The following INTS7 variants were observed in gnomAD, a reference collection of about 807,000 sequenced individuals.
INTS7 encodes integrator complex subunit 7.
INTS7 carries 46 observed loss-of-function variants against 109.2 expected under a neutral mutation model. That is an observed-to-expected ratio of 0.42 (90% CI 0.33 to 0.54). INTS7 has a LOEUF of 0.54. INTS7 is among the 20% of genes least tolerant of loss of function. INTS7 has a pLI of 0.07. For synonymous variants in INTS7, 412 were observed against 402.9 expected (o/e 1.02, Z -0.27); for missense variants, 929 against 1,132.4 (o/e 0.82, Z 2.58).
chr1:211,973,692 T>C (rs1023221887), intron 13 of INTS7, among the ~76,000 whole-genome samples: 2 of 152,190 alleles, frequency 1.3e-5, no homozygotes, highest in Non-Finnish European at 1.5e-5. Context: ...GAGTATACAG[T>C]ACAATCAGAG....
chr1:211,999,638 T>C (rs1158391398), intron 7 of INTS7, among the ~76,000 whole-genome samples: 1 of 152,106 alleles, frequency 6.6e-6, no homozygotes, highest in Admixed American at 6.5e-5. Flanking sequence ...TTCAAACTAA[T>C]GGCAATGAGA....
At chr1:212,014,781 G>C (rs1329947775) in intron 4 of INTS7, among the ~76,000 whole-genome samples, 1 of 152,212 alleles carries the variant, frequency 6.6e-6, no homozygotes, top group African/African-American at 2.4e-5. Flanking sequence ...CTGACCGCGA[G>C]TGATCTGCCC....
intron 17 of INTS7, among the ~76,000 whole-genome samples, chr1:211,948,755 T>C (rs1662952912): frequency 6.6e-6 from 1 of 152,258 alleles, no homozygotes; most frequent in Admixed American, 6.5e-5. Context: ...TTGCCCAAGC[T>C]GGAGTGCAAT....
intron 17 of INTS7, among the ~76,000 whole-genome samples, chr1:211,949,118 A>G (rs1662976377): frequency 1.3e-5 from 2 of 152,100 alleles, no homozygotes; most frequent in African/African-American, 2.4e-5. Flanking sequence ...AATAGTCCAT[A>G]CCCTTATTTC....
intron 7 of INTS7, among the ~76,000 whole-genome samples, chr1:211,993,834 C>T (rs79595704): frequency 0.037 from 5,664 of 151,928 alleles, 161 homozygotes; most frequent in African/African-American, 0.084. Context: ...ATGAAACTAT[C>T]GTTTTTGACT....
chr1:212,006,003 G>C lies in INTS7; in HGVS notation c.879+636C>G, dbSNP rs183234719. On this transcript the variant is annotated intron_variant, in intron 7 of 19. Transcript: ENST00000366994. ...CACTGGAGTCATGATGAAGCTGAGA[G>C]ATAAAAACTACCGTTCCATTTTAAA... Among the ~76,000 whole-genome samples the C allele has an allele frequency of 8.4e-4, 128 of 152,210 alleles. 1 individual carries two copies. Among genetic ancestry groups the C allele is most frequent in the African/African-American group, 3.0e-3 (125 of 41,550 alleles).
At chr1:212,020,297 C>T (rs1558057510) in intron 2 of INTS7, 29 bp from the exon 3 acceptor site, 1 of 1,378,670 alleles carries the variant, frequency 7.3e-7, no homozygotes. Flanking sequence ...AATTAGGTCA[C>T]TTTAGAAAGT....
intron 16 of INTS7, among the ~76,000 whole-genome samples, chr1:211,954,708 G>A (rs1663282574): frequency 6.6e-6 from 1 of 152,124 alleles, no homozygotes; most frequent in South Asian, 2.1e-4. Context: ...GATGGTTGTA[G>A]ATATGCGGCA....
chr1:211,977,272 A>C (rs1431949031), intron 11 of INTS7, among the ~76,000 whole-genome samples: 4 of 152,142 alleles, frequency 2.6e-5, no homozygotes, highest in Admixed American at 6.5e-5. Flanking sequence ...CCTTTTTCTT[A>C]AGCTAGATAA....
chr1:212,004,612 T>C (rs1208011324), intron 7 of INTS7, among the ~76,000 whole-genome samples: 3 of 152,328 alleles, frequency 2.0e-5, no homozygotes, highest in Admixed American at 6.5e-5. Flanking sequence ...CTAATCTTTA[T>C]ATTCAGTGTA....
chr1:212,014,581 TC>T (rs1405770962), intron 4 of INTS7, among the ~76,000 whole-genome samples: 1 of 130,072 alleles, frequency 7.7e-6, no homozygotes, highest in Non-Finnish European at 1.6e-5. Flanking sequence ...CCCCACGGTC[TC>T]CCTCTGATGC....
At chr1:211,943,019 G>A (rs1048807845) in intron 19 of INTS7, among the ~76,000 whole-genome samples, 1 of 152,116 alleles carries the variant, frequency 6.6e-6, no homozygotes, top group Admixed American at 6.5e-5. Flanking sequence ...ACATTTACCT[G>A]TAATAGTAAT....
chr1:212,014,039 T>A (rs1427995186), intron 4 of INTS7, among the ~76,000 whole-genome samples: 1 of 152,240 alleles, frequency 6.6e-6, no homozygotes, highest in East Asian at 1.9e-4. Flanking sequence ...ATAGGAACTG[T>A]ACTTATTCAG....
intron 1 of INTS7, among the ~76,000 whole-genome samples, chr1:212,031,818 A>G (rs1384159074): frequency 6.6e-6 from 1 of 152,260 alleles, no homozygotes; most frequent in Non-Finnish European, 1.5e-5. Flanking sequence ...TATAGAGATC[A>G]GAAACAATCA....
intron 8 of INTS7, among the ~76,000 whole-genome samples, chr1:211,984,756 T>A (rs1305538149): frequency 6.6e-6 from 1 of 152,182 alleles, no homozygotes; most frequent in Non-Finnish European, 1.5e-5. Flanking sequence ...AGTCCATAAA[T>A]TTACAAGCAC....
intron 18 of INTS7, among the ~76,000 whole-genome samples, chr1:211,945,263 T>C (rs778915388): frequency 6.6e-6 from 1 of 152,216 alleles, no homozygotes; most frequent in Non-Finnish European, 1.5e-5. Flanking sequence ...TCTTTGACAA[T>C]GAACCACTTC....
intron 1 of INTS7, among the ~76,000 whole-genome samples, chr1:212,034,886 G>T (rs748869131): frequency 2.0e-4 from 30 of 152,180 alleles, no homozygotes; most frequent in Non-Finnish European, 5.9e-5. Context: ...TCTTGGCCAG[G>T]TTTAGCCTGC....
In INTS7 at chr1:211,946,735, A is replaced by T; in HGVS notation, c.2317-30T>A. On this transcript the variant is annotated intron_variant, in intron 17 of 19. Transcript: ENST00000366994. The surrounding 1 kb of genome is among the most constrained non-coding windows in gnomAD (Gnocchi z 4.3). ...GGGAAAAAAGAAACTAAATCAAATA[A>T]AAATAAATTTTCAAATTTCATCAAC... The T allele has an allele frequency of 6.6e-7, 1 of 1,515,862 alleles. No individual in the cohort carries two copies. The highest frequency in any genetic ancestry group is 9.1e-7 in the Non-Finnish European group (1 of 1,100,594). 93.9% of individuals were successfully genotyped at this position (1,515,862 alleles called of 1,614,324 possible).
chr1:212,003,807 G>T (rs560678435), intron 7 of INTS7, among the ~76,000 whole-genome samples: 1 of 152,128 alleles, frequency 6.6e-6, no homozygotes, highest in Admixed American at 6.5e-5. Flanking sequence ...ACAACTAAAA[G>T]AATATTTAAC....
Sources: allele counts gnomAD v4.1 joint callset (sites outside exome capture counted in the v4.1 genomes callset), GRCh38; gene constraint gnomAD v4.1.1; non-coding constraint Gnocchi (gnomAD v3.1); transcripts MANE v1.5; gene names NCBI Gene and HGNC (gene_info 2026-07-23, HGNC 2026-07-21).